GSE1: variants seen among roughly 807,000 people sequenced by gnomAD.
GSE1 encodes genetic suppressor element 1.
Under a neutral mutation model 112.6 loss-of-function variants are expected in GSE1, and 32 were observed. That is an observed-to-expected ratio of 0.28 (90% CI 0.21 to 0.38). The LOEUF (loss-of-function observed/expected upper bound fraction) is 0.38. GSE1 is among the 10% of genes least tolerant of loss of function. GSE1 has a pLI of 1.00. For synonymous variants in GSE1, 1,115 were observed against 735.6 expected (o/e 1.52, Z -8.35); for missense variants, 2,348 against 1,699.2 (o/e 1.38, Z -6.71).
At chr16:85,199,199 C>A (rs757465628) in intron 1 of GSE1, among the ~76,000 whole-genome samples, 2 of 152,082 alleles carry the variant, frequency 1.3e-5, no homozygotes, top group Non-Finnish European at 2.9e-5. Context: ...TCAGATGATC[C>A]GCCCGCCTCG....
At chr16:85,208,929 G>T (rs545323285) in intron 1 of GSE1, among the ~76,000 whole-genome samples, 7 of 148,170 alleles carry the variant, frequency 4.7e-5, no homozygotes. Context: ...GTCGGGGTTC[G>T]CCTGTGTTGG....
At chr16:85,404,927 C>A (rs1277851309) in intron 2 of GSE1, among the ~76,000 whole-genome samples, 9 of 41,786 alleles carry the variant, frequency 2.2e-4, no homozygotes, top group East Asian at 7.0e-4. Context: ...TCTCAGGCCC[C>A]CCTGGATAAT....
rs776498068 is a variant in GSE1, at chr16:85,661,676, A to G, written c.2171A>G (p.Tyr724Cys). 1 of 1,610,622 alleles carries G rather than the reference A, an allele frequency of 6.2e-7. No homozygotes were observed. Among genetic ancestry groups the G allele is most frequent in the Non-Finnish European group, 8.5e-7 (1 of 1,179,142 alleles). The change falls in exon 9 of 16, where the codon TAC becomes TGC. Residue 724 changes from tyrosine (Y) to cysteine (C), a missense_variant. Transcript: ENST00000253458. ...GTGCCACGGGCCCCCGACCCTGCCT[A>G]CATCTATGATGAGTTCCTGCAGCAG... ...PPVPRAPDPAYIYDEFLQQRR... is the reference protein window; with the variant it reads ...PPVPRAPDPACIYDEFLQQRR...
chr16:85,652,560 CG>C (rs1160871162), intron 3 of GSE1, among the ~76,000 whole-genome samples: 182 of 152,268 alleles, frequency 1.2e-3, no homozygotes, highest in African/African-American at 4.3e-3. Flanking sequence ...GCGGCGGCGG[CG>C]GCGGCTCCTC....
chr16:85,570,870 A>C (rs2045953843), intron 1 of GSE1, among the ~76,000 whole-genome samples: 1 of 152,170 alleles, frequency 6.6e-6, no homozygotes, highest in African/African-American at 2.4e-5. Flanking sequence ...CACTGACTCC[A>C]AGTTTCTGGG....
chr16:85,607,970 G>T (rs2047783935), upstream of GSE1, among the ~76,000 whole-genome samples: 1 of 152,146 alleles, frequency 6.6e-6, no homozygotes. Flanking sequence ...CTCCGTAAGG[G>T]GAGGGGCCTG....
At chr16:85,536,867 G>A (rs933586168) in intron 2 of GSE1, among the ~76,000 whole-genome samples, 8 of 152,242 alleles carry the variant, frequency 5.3e-5, no homozygotes, top group African/African-American at 1.9e-4. Flanking sequence ...GGGTCACAGG[G>A]GAAGTCTGTA....
At chr16:85,358,891 G>C (rs549289815) in intron 2 of GSE1, among the ~76,000 whole-genome samples, 71 of 152,346 alleles carry the variant, frequency 4.7e-4, no homozygotes, top group Admixed American at 1.0e-3. Flanking sequence ...GGCCATTGTC[G>C]GGGAGGAATG....
chr16:85,198,666 A>G (rs570338832), intron 1 of GSE1, among the ~76,000 whole-genome samples: 8 of 152,226 alleles, frequency 5.3e-5, no homozygotes, highest in South Asian at 2.1e-4. Flanking sequence ...TGAGACTGCA[A>G]TGCCCCCATT....
At chr16:85,485,101 C>G (rs879808840) in intron 2 of GSE1, among the ~76,000 whole-genome samples, 3 of 152,238 alleles carry the variant, frequency 2.0e-5, no homozygotes, top group Non-Finnish European at 4.4e-5. Context: ...CCACCACAGA[C>G]AAAAGCAGGA....
upstream of GSE1, chr16:85,611,390 G>T (rs1303790141): frequency 1.2e-6 from 1 of 839,266 alleles, no homozygotes; most frequent in Admixed American, 6.8e-5. Flanking sequence ...TAAATTACCC[G>T]GGCCCGCGCG....
intron 2 of GSE1, among the ~76,000 whole-genome samples, chr16:85,370,026 G>A (rs555332326): frequency 1.3e-5 from 2 of 152,162 alleles, no homozygotes; most frequent in Admixed American, 6.5e-5. Flanking sequence ...AGTAACTCCC[G>A]AGTTTAGAGC....
At chr16:85,464,966 C>T (rs1261187446) in intron 2 of GSE1, among the ~76,000 whole-genome samples, 2 of 152,178 alleles carry the variant, frequency 1.3e-5, no homozygotes, top group African/African-American at 4.8e-5. Flanking sequence ...GGCTTCGTGC[C>T]CTCTCGTTTT....
At chr16:85,586,891 A>G (rs2151413665) in intron 1 of GSE1, among the ~76,000 whole-genome samples, 1 of 152,352 alleles carries the variant, frequency 6.6e-6, no homozygotes, top group South Asian at 2.1e-4. Context: ...TATTTTAAAT[A>G]ATTCCAGCAT....
chr16:85,512,706 A>G (rs1268235855), intron 2 of GSE1, among the ~76,000 whole-genome samples: 13 of 152,028 alleles, frequency 8.6e-5, no homozygotes, highest in Non-Finnish European at 1.6e-4. Flanking sequence ...ATTAGAGTCC[A>G]CTCCGATATC....
chr16:85,292,263 C>T (rs1317205633), intron 1 of GSE1, among the ~76,000 whole-genome samples: 3 of 151,388 alleles, frequency 2.0e-5, no homozygotes, highest in African/African-American at 7.3e-5. Flanking sequence ...CTCAGCCTCT[C>T]TAGTAGCGAG....
rs1007997965 is a variant in GSE1 at position 85,206,930 on chromosome 16, G to A, written c.2283+35123G>A. Among the ~76,000 whole-genome samples the A allele has an allele frequency of 2.7e-5, 4 of 150,342 alleles. No homozygotes were observed. The South Asian group carries it at 6.5e-4, about 24-fold the overall frequency. On this transcript the variant is annotated intron_variant, in intron 1 of 2. Coordinates refer to the GSE1 transcript ENST00000637419. The stretch of plus-strand genomic sequence containing the variant: ...CAGCCCAGAGGGGTGGGCCAGCGCC[G>A]GTGGCCAAGAGGAGAGAGACTGTTT...
intron 1 of GSE1, among the ~76,000 whole-genome samples, chr16:85,267,285 G>T (rs1908347642): frequency 6.6e-6 from 1 of 151,954 alleles, no homozygotes; most frequent in Admixed American, 6.5e-5. Flanking sequence ...AACCTCCCCT[G>T]CCCCTGGCAT....
At chr16:85,577,433 A>C (rs1224405965) in intron 1 of GSE1, among the ~76,000 whole-genome samples, 1 of 152,134 alleles carries the variant, frequency 6.6e-6, no homozygotes, top group Non-Finnish European at 1.5e-5. Context: ...CAAGGACCCC[A>C]CCACCCCACC....
Sources: gnomAD v4.1 joint callset for allele counts (sites outside exome capture counted in the v4.1 genomes callset) on GRCh38, gnomAD v4.1.1 for gene constraint, MANE v1.5 for transcripts, NCBI Gene and HGNC (gene_info 2026-07-23, HGNC 2026-07-21) for gene names.